The following NDUFA10 variants were observed in gnomAD, a reference collection of about 807,000 sequenced individuals.
NDUFA10 encodes the protein NADH dehydrogenase [ubiquinone] 1 alpha subcomplex subunit 10, mitochondrial.
In NDUFA10, 40 loss-of-function variants were observed where a neutral mutation model predicts 47.8. That is an observed-to-expected ratio of 0.84 (90% CI 0.65 to 1.09). The LOEUF is 1.09. Among genes scored for constraint, NDUFA10 ranks in the 50% least tolerant of loss-of-function variants. NDUFA10 has a pLI of 0.00. For synonymous variants in NDUFA10, 183 were observed against 172.2 expected, an observed-to-expected ratio of 1.06 and a Z score of -0.49; for missense variants, 413 against 451.1, an observed-to-expected ratio of 0.92 and a Z score of 0.76.
chr2:239,933,400 A>C lies in NDUFA10; in HGVS notation c.295-38086T>G, dbSNP rs56987950. 3.3e-3 allele frequency among the ~76,000 whole-genome samples: 503 copies of C among 152,286 alleles called. 4 individuals are homozygous for C. Among genetic ancestry groups the C allele is most frequent in the African/African-American group, 0.011 (475 of 41,544 alleles). ...TAATGATGTGTCTATACCTGAGGAC[A>C]AAGGCTGCAGCCGGGCCTGGGGAGC... is the stretch of plus-strand genomic sequence containing the variant. On this transcript the variant is annotated intron_variant, in intron 4 of 5. Transcript: ENST00000419408.
chr2:239,895,696 A>G (rs1693381916), intron 4 of NDUFA10, among the ~76,000 whole-genome samples: 1 of 152,232 alleles, frequency 6.6e-6, no homozygotes, highest in South Asian at 2.1e-4. Context: ...AAAGCATTAG[A>G]TCCCCATGCA....
intron 9 of NDUFA10, among the ~76,000 whole-genome samples, chr2:239,963,488 G>A (rs1213893956): frequency 6.6e-6 from 1 of 152,334 alleles, no homozygotes; most frequent in Non-Finnish European, 1.5e-5. Context: ...CGGGCTGTAG[G>A]TGCTATTTCT....
At chr2:240,023,177 C>A (rs1212512446) in intron 1 of NDUFA10, among the ~76,000 whole-genome samples, 1 of 152,060 alleles carries the variant, frequency 6.6e-6, no homozygotes, top group Non-Finnish European at 1.5e-5. Context: ...AGAAACATAA[C>A]CAAAAGTAAA....
Position 240,011,866 on chromosome 2 carries a change from C to T in NDUFA10, c.670-170G>A. ...AAAGGGTCCCAACATCAGCTAGAGT[C>T]ATTCTCCTTCTACTACAGTGAACAC... On this transcript the variant is annotated intron_variant, in intron 5 of 9. Coordinates refer to ENST00000252711, the MANE Select transcript of NDUFA10 (RefSeq NM_004544.4). 3 of 669,710 alleles carry T rather than the reference C, an allele frequency of 4.5e-6. No individual in the cohort carries two copies. In the South Asian group the frequency reaches 4.8e-5, roughly 11 times the overall value. 41.5% of individuals were successfully genotyped at this position (669,710 alleles called of 1,614,324 possible). A position where few individuals can be genotyped will look rare whatever the true frequency, so the allele number is the denominator to read the frequency against.
intron 4 of NDUFA10, among the ~76,000 whole-genome samples, chr2:239,944,455 C>T (rs1284166048): frequency 1.3e-5 from 2 of 152,238 alleles, no homozygotes; most frequent in Non-Finnish European, 2.9e-5. Flanking sequence ...GCCACCTCCC[C>T]TCACAGTGCT....
At position 240,022,168 on chromosome 2, in the gene NDUFA10, A is replaced by G. The variant is rs776838948; in HGVS notation, c.244+4T>C. ...GTATCATTCTGTGTAACATAAAATC[A>G]TACCTAGTTTCTCTGCTATTTCTTT... On this transcript the variant is annotated splice_donor_region_variant and intron_variant, in intron 2 of 9. Coordinates refer to ENST00000252711, the MANE Select transcript of NDUFA10 (RefSeq NM_004544.4). 4 of 1,606,098 alleles carry G rather than the reference A, an allele frequency of 2.5e-6. No homozygotes were observed. The highest frequency in any genetic ancestry group is 3.4e-6 in the Non-Finnish European group (4 of 1,172,682).
intron 1 of NDUFA10, among the ~76,000 whole-genome samples, 191 bp from the exon 2 acceptor site, chr2:240,022,531 A>G (rs1697668153): frequency 6.6e-6 from 1 of 152,152 alleles, no homozygotes; most frequent in African/African-American, 2.4e-5. Flanking sequence ...GTTTCGTTAA[A>G]GGCAGATATA....
intron 1 of NDUFA10, among the ~76,000 whole-genome samples, chr2:240,024,128 C>T (rs958234108): frequency 6.6e-6 from 1 of 152,212 alleles, no homozygotes; most frequent in Admixed American, 6.5e-5. Context: ...CCAGGTATTA[C>T]CCAAATGATA....
intron 4 of NDUFA10, among the ~76,000 whole-genome samples, chr2:239,946,290 A>G (rs1302943069): frequency 6.6e-6 from 1 of 152,200 alleles, no homozygotes; most frequent in Non-Finnish European, 1.5e-5. Context: ...CTCCGGCCCC[A>G]GCCCCAGCAG....
intron 1 of NDUFA10, 49 bp from the exon 2 acceptor site, chr2:240,022,389 C>A: frequency 1.2e-6 from 2 of 1,612,734 alleles, no homozygotes; most frequent in Non-Finnish European, 1.7e-6. Context: ...ACTCTGGTTC[C>A]TGTAGGCATT....
intron 9 of NDUFA10, among the ~76,000 whole-genome samples, chr2:239,966,505 G>A (rs963313162): frequency 2.6e-5 from 4 of 152,184 alleles, no homozygotes; most frequent in African/African-American, 9.6e-5. Flanking sequence ...CACAGGACCG[G>A]ACTTGTTCCC....
chr2:239,992,674 C>T (rs1046172465), intron 8 of NDUFA10, among the ~76,000 whole-genome samples: 1 of 152,154 alleles, frequency 6.6e-6, no homozygotes. Context: ...CAGCTGGAGG[C>T]CTGACGTGTC....
intron 4 of NDUFA10, among the ~76,000 whole-genome samples, chr2:239,911,236 C>T (rs1247040079): frequency 6.6e-6 from 1 of 152,210 alleles, no homozygotes; most frequent in African/African-American, 2.4e-5. Context: ...GGCTCACACC[C>T]TGACCTGGGA....
rs61475593 is a variant in NDUFA10 at position 240,002,330 on chromosome 2, CAAAA to C, written c.890+2876_890+2879del. Among the ~76,000 whole-genome samples, 364 of 83,748 alleles carry C rather than the reference CAAAA, an allele frequency of 4.3e-3. 1 individual carries two copies. The highest frequency in any genetic ancestry group is 0.019 in the African/African-American group (341 of 17,546). 54.9% of individuals were successfully genotyped at this position (83,748 alleles called of 152,430 possible). On this transcript the variant is annotated intron_variant, in intron 8 of 9. Coordinates refer to ENST00000252711, the MANE Select transcript of NDUFA10 (RefSeq NM_004544.4). ...GGGCAACAAGAGCAAAACTCTGACT[CAAAA>C]AAAAAAAAAAAAAAAAAAAAAAGAC...
At chr2:240,007,812 C>T (rs1697003816) in intron 6 of NDUFA10, among the ~76,000 whole-genome samples, 1 of 152,218 alleles carries the variant, frequency 6.6e-6, no homozygotes, top group African/African-American at 2.4e-5. Flanking sequence ...GAGCACCCTC[C>T]ACAGCCCAGG....
chr2:240,017,861 T>C (rs1368153740), intron 4 of NDUFA10: 6 of 1,572,520 alleles, frequency 3.8e-6, no homozygotes, highest in Non-Finnish European at 5.2e-6. Context: ...GTACTTCCTC[T>C]GAGCTCCCAG....
chr2:239,989,755 T>C (rs1229469243), intron 9 of NDUFA10, among the ~76,000 whole-genome samples: 1 of 152,068 alleles, frequency 6.6e-6, no homozygotes, highest in Admixed American at 6.5e-5. Flanking sequence ...AGTAAGAAAA[T>C]ACCAGAAGTA....
At position 239,945,041 on chromosome 2, in the gene NDUFA10, G is replaced by A. The variant is rs377501912; in HGVS notation, c.294+45033C>T. 8.0e-4 allele frequency among the ~76,000 whole-genome samples: 122 copies of A among 152,048 alleles called. 2 individuals are homozygous for A. The South Asian group carries it at 0.014, about 17-fold the overall frequency. ...CTTCTTTATTGCAAGGTGCCTCCCCGAGACAGAATTCCATGGTTTTGGTAG... is the reference window on the plus strand; with the variant it reads ...CTTCTTTATTGCAAGGTGCCTCCCCAAGACAGAATTCCATGGTTTTGGTAG... On this transcript the variant is annotated intron_variant, in intron 4 of 5. Transcript: ENST00000419408. This position sits in a 1 kb window ranked among gnomAD's most constrained non-coding sequence, Gnocchi z 4.6.
intron 8 of NDUFA10, among the ~76,000 whole-genome samples, chr2:240,003,698 C>T (rs1404644108): frequency 6.6e-6 from 1 of 152,188 alleles, no homozygotes; most frequent in African/African-American, 2.4e-5. Context: ...AAATCAAAGT[C>T]ACTCACTCCA....
Sources: allele counts gnomAD v4.1 joint callset (sites outside exome capture counted in the v4.1 genomes callset), GRCh38; gene constraint gnomAD v4.1.1; non-coding constraint Gnocchi (gnomAD v3.1); transcripts MANE v1.5; gene names NCBI Gene and HGNC (gene_info 2026-07-23, HGNC 2026-07-21).